Variants in EBF3 observed in about 807,000 individuals in gnomAD.
The protein encoded by EBF3 is transcription factor COE3.
EBF3 carries 18 observed loss-of-function variants against 77.1 expected under a neutral mutation model. The observed-to-expected ratio is 0.23, with a 90% confidence interval of 0.16 to 0.35. EBF3 has a LOEUF of 0.35. Ranked by LOEUF, EBF3 falls within the 10% of genes least tolerant of loss-of-function variation. The pLI, the probability that EBF3 is intolerant of heterozygous loss-of-function variation, is 1.00. For missense variants in EBF3, 558 were observed against 860.0 expected (o/e 0.65, Z 4.39); for synonymous variants, 350 against 343.5 (o/e 1.02, Z -0.21).
At position 129,963,068 on chromosome 10, in the gene EBF3, G is replaced by T; in HGVS notation, c.292-63C>A. On this transcript the variant is annotated intron_variant, in intron 2 of 16. Coordinates refer to ENST00000440978, the MANE Select transcript of EBF3 (RefSeq NM_001375380.1). The surrounding 1 kb of genome is among the most constrained non-coding windows in gnomAD (Gnocchi z 7.1). ...GGTGTCAGGCGCGGCCACCACGCTC[G>T]GTCCCCCTCCGCGACCGAGGCTCTC... The T allele has an allele frequency of 6.3e-7, 1 of 1,598,178 alleles. No homozygotes were observed. Among genetic ancestry groups the T allele is most frequent in the Admixed American group, 1.7e-5 (1 of 59,990 alleles).
At chr10:129,851,706 A>G (rs1010913179) in intron 10 of EBF3, among the ~76,000 whole-genome samples, 1 of 152,190 alleles carries the variant, frequency 6.6e-6, no homozygotes, top group Non-Finnish European at 1.5e-5. Flanking sequence ...GTTGCTGCGT[A>G]TAAGAGATGA....
At chr10:129,918,656 C>T (rs1158092747) in intron 6 of EBF3, among the ~76,000 whole-genome samples, 1 of 152,228 alleles carries the variant, frequency 6.6e-6, no homozygotes, top group African/African-American at 2.4e-5. Flanking sequence ...TCCCCAGCTC[C>T]CTGCCCCAGG....
chr10:129,880,961 T>C (rs1853164579), intron 6 of EBF3, among the ~76,000 whole-genome samples: 1 of 152,200 alleles, frequency 6.6e-6, no homozygotes, highest in African/African-American at 2.4e-5. Context: ...ATTTCAGTGT[T>C]TGGGGAGGGG....
intron 10 of EBF3, among the ~76,000 whole-genome samples, chr10:129,865,987 G>A (rs1589740517): frequency 1.3e-5 from 2 of 152,206 alleles, no homozygotes; most frequent in South Asian, 4.1e-4. Flanking sequence ...CAAGCCCACA[G>A]ATAGTAAGTA....
intron 11 of EBF3, 106 bp from the exon 12 acceptor site, chr10:129,843,308 C>T (rs1471041352): frequency 8.2e-7 from 1 of 1,213,726 alleles, no homozygotes; most frequent in Non-Finnish European, 1.2e-6. Context: ...TCCCCACCCA[C>T]AGCGACCCGT....
At chr10:129,950,123 T>C (rs1858559924) in intron 6 of EBF3, among the ~76,000 whole-genome samples, 2 of 152,042 alleles carry the variant, frequency 1.3e-5, no homozygotes, top group Non-Finnish European at 2.9e-5. Flanking sequence ...GGCAGCTCCG[T>C]CTTCCAGCAG....
chr10:129,959,054 T>A (rs1412472799), intron 4 of EBF3, 47 bp from the exon 5 acceptor site: 1 of 1,594,826 alleles, frequency 6.3e-7, no homozygotes, highest in African/African-American at 1.4e-5. Flanking sequence ...CGCCCGCGGC[T>A]TTGGCGCCAA....
intron 6 of EBF3, among the ~76,000 whole-genome samples, chr10:129,926,528 G>A (rs533057689): frequency 1.3e-5 from 2 of 152,250 alleles, no homozygotes; most frequent in African/African-American, 2.4e-5. Context: ...GTGAAACCTC[G>A]TGTCACCCCA....
intron 6 of EBF3, among the ~76,000 whole-genome samples, chr10:129,911,494 C>T (rs567529268): frequency 1.3e-5 from 2 of 152,296 alleles, no homozygotes; most frequent in South Asian, 4.1e-4. Flanking sequence ...CTCTTCCATC[C>T]CATTTCAGAA....
At chr10:129,883,051 T>C (rs775797727) in intron 6 of EBF3, among the ~76,000 whole-genome samples, 14 of 152,224 alleles carry the variant, frequency 9.2e-5, no homozygotes, top group Non-Finnish European at 1.8e-4. Context: ...GGCTTGCTTT[T>C]TGCATGTGGC....
chr10:129,843,245 G>T, intron 11 of EBF3, 43 bp from the exon 12 acceptor site: 3 of 1,578,506 alleles, frequency 1.9e-6, no homozygotes, highest in Non-Finnish European at 2.6e-6. Flanking sequence ...GGAGGAACCG[G>T]CCAGTTATCA....
intron 10 of EBF3, among the ~76,000 whole-genome samples, chr10:129,855,432 T>A (rs2134010732): frequency 6.6e-6 from 1 of 152,362 alleles, no homozygotes; most frequent in South Asian, 2.1e-4. Context: ...ATACATTGGA[T>A]GATGGCTTTT....
At chr10:129,922,626 C>T (rs113994400) in intron 6 of EBF3, among the ~76,000 whole-genome samples, 2,299 of 152,348 alleles carry the variant, frequency 0.015, 68 homozygotes, top group African/African-American at 0.052. Context: ...CGTCCTTGCA[C>T]GGCAGGCTGT....
Position 129,963,129 on chromosome 10 carries a change from G to T in EBF3, c.292-124C>A. The T allele has an allele frequency of 7.6e-7, 1 of 1,308,324 alleles. No homozygotes were observed. Among genetic ancestry groups the T allele is most frequent in the African/African-American group, 1.4e-5 (1 of 68,970 alleles). 81.0% of individuals were successfully genotyped at this position (1,308,324 alleles called of 1,614,324 possible). A position where few individuals can be genotyped will look rare whatever the true frequency, so the allele number is the denominator to read the frequency against. ...ATGGCAGGATTCCTAGCTCGAAGCAGCGCGGTGATGTCACTTTCCTGCTGG... is the reference window on the plus strand; with the variant it reads ...ATGGCAGGATTCCTAGCTCGAAGCATCGCGGTGATGTCACTTTCCTGCTGG... On this transcript the variant is annotated intron_variant, in intron 2 of 16. Transcript: ENST00000440978. The surrounding 1 kb of genome is among the most constrained non-coding windows in gnomAD (Gnocchi z 7.1).
In EBF3 at chr10:129,841,653, C is replaced by A. The variant is rs932960460; in HGVS notation, c.1372+463G>T. Among the ~76,000 whole-genome samples, 22 of 152,086 alleles carry A rather than the reference C, an allele frequency of 1.4e-4. No homozygotes were observed. Among genetic ancestry groups the A allele is most frequent in the Non-Finnish European group, 4.4e-5 (3 of 68,012 alleles). On this transcript the variant is annotated intron_variant, in intron 13 of 16. Coordinates refer to ENST00000440978, the MANE Select transcript of EBF3 (RefSeq NM_001375380.1). This position sits in a 1 kb window ranked among gnomAD's most constrained non-coding sequence, Gnocchi z 4.6. The stretch of plus-strand genomic sequence containing the variant: ...CAAGATGCAGCGGCCTTGGCTGGCC[C>A]AGGACACTGCACTGTGGGATGGGGT...
In EBF3 at chr10:129,935,432, G is replaced by T. The variant is rs1857292645; in HGVS notation, c.554+21826C>A. 6.6e-6 allele frequency among the ~76,000 whole-genome samples: 1 copy of T among 152,166 alleles called. No homozygotes were observed. The highest frequency in any genetic ancestry group is 6.5e-5 in the Admixed American group (1 of 15,282). On this transcript the variant is annotated intron_variant, in intron 6 of 16. Coordinates refer to ENST00000440978, the MANE Select transcript of EBF3 (RefSeq NM_001375380.1). The surrounding 1 kb of genome is among the most constrained non-coding windows in gnomAD (Gnocchi z 4.2). ...GCCATCATTCTGACCTTCCTTCTGT[G>T]CTGCAAACTCCCACCAACGGGACCT... is the stretch of plus-strand genomic sequence containing the variant.
At chr10:129,936,676 C>G (rs908945514) in intron 6 of EBF3, among the ~76,000 whole-genome samples, 1 of 149,806 alleles carries the variant, frequency 6.7e-6, no homozygotes, top group African/African-American at 2.5e-5. Context: ...GGACCTGCAG[C>G]CTGTGTGGGG....
intron 15 of EBF3, among the ~76,000 whole-genome samples, chr10:129,839,860 G>A (rs1458439439): frequency 2.0e-5 from 3 of 152,224 alleles, no homozygotes; most frequent in Non-Finnish European, 4.4e-5. Flanking sequence ...AGCATCCTGC[G>A]CTGAGAAGTG....
chr10:129,923,773 G>GA lies in EBF3; in HGVS notation c.554+33484dup, dbSNP rs552966029. ...GGCACCAAAGACAAAGTCAGCAAAA[G>GA]AAAAAAAATAGACAATTTGGACTTC... is the stretch of plus-strand genomic sequence containing the variant. On this transcript the variant is annotated intron_variant, in intron 6 of 16. Transcript: ENST00000440978. Among the ~76,000 whole-genome samples, 638 of 151,560 alleles carry GA rather than the reference G, an allele frequency of 4.2e-3. 5 individuals are homozygous for GA. Among genetic ancestry groups the GA allele is most frequent in the South Asian group, 0.023 (109 of 4,796 alleles).
Sources: gnomAD v4.1 joint callset for allele counts (sites outside exome capture counted in the v4.1 genomes callset) on GRCh38, gnomAD v4.1.1 for gene constraint, Gnocchi (gnomAD v3.1) non-coding constraint, MANE v1.5 for transcripts, NCBI Gene and HGNC (gene_info 2026-07-23, HGNC 2026-07-21) for gene names.